The following LRRK2 variants were observed in gnomAD, a reference collection of about 807,000 sequenced individuals.
LRRK2 encodes leucine rich repeat kinase 2.
In LRRK2, 203 loss-of-function variants were observed where a neutral mutation model predicts 302.6. That is an observed-to-expected ratio of 0.67 (90% CI 0.60 to 0.75). The LOEUF is 0.75. Among genes scored for constraint, LRRK2 ranks in the 30% least tolerant of loss-of-function variants. The pLI, the probability that LRRK2 is intolerant of heterozygous loss-of-function variation, is 0.00. For synonymous variants in LRRK2, 1,066 were observed against 1,031.9 expected (o/e 1.03, Z -0.63); for missense variants, 2,830 against 2,951.0 (o/e 0.96, Z 0.95).
intron 14 of LRRK2, among the ~76,000 whole-genome samples, chr12:40,264,586 T>C (rs1942926911): frequency 6.6e-6 from 1 of 152,230 alleles, no homozygotes; most frequent in African/African-American, 2.4e-5. Flanking sequence ...ACCACTGCAC[T>C]CCAGCTTGGG....
rs746536708 is a variant in LRRK2, at chr12:40,303,939, T to C, written c.3591-9T>C. 2.5e-6 allele frequency: 4 copies of C among 1,613,286 alleles called. No homozygotes were observed. Among genetic ancestry groups the C allele is most frequent in the Non-Finnish European group, 2.5e-6 (3 of 1,179,370 alleles). ...ATTTGGTTTATGTCTTTTCTGTGTATTGTTTTAGCTTGCGGTCTTTAGATA... is the reference window on the plus strand; with the variant it reads ...ATTTGGTTTATGTCTTTTCTGTGTACTGTTTTAGCTTGCGGTCTTTAGATA... On this transcript the variant is annotated splice_polypyrimidine_tract_variant and intron_variant, in intron 26 of 50. Coordinates refer to ENST00000298910, the MANE Select transcript of LRRK2 (RefSeq NM_198578.4).
At chr12:40,315,643 A>G (rs1160711735) in intron 33 of LRRK2, among the ~76,000 whole-genome samples, 1 of 152,034 alleles carries the variant, frequency 6.6e-6, no homozygotes, top group Non-Finnish European at 1.5e-5. Context: ...GTAAACACAT[A>G]TAAGAAAATT....
intron 13 of LRRK2, among the ~76,000 whole-genome samples, chr12:40,262,846 CACAG>C (rs1420619595): frequency 8.5e-5 from 13 of 152,258 alleles, no homozygotes; most frequent in African/African-American, 2.9e-4. Context: ...GGAAATGATA[CACAG>C]ACAGTTTAAG....
rs1946779133 is a variant in LRRK2, at chr12:40,363,466, A to G, written c.7093A>G (p.Ile2365Val). 6.2e-6 allele frequency: 10 copies of G among 1,611,678 alleles called. No individual in the cohort carries two copies. Among genetic ancestry groups the G allele is most frequent in the African/African-American group, 1.3e-5 (1 of 74,730 alleles). The change falls in exon 48 of 51, where the codon ATT becomes GTT. Residue 2365 changes from isoleucine (I) to valine (V), a missense_variant. Ile to Val is a conservative substitution (Grantham distance 29, BLOSUM62 3). Coordinates refer to ENST00000298910, the MANE Select transcript of LRRK2 (RefSeq NM_198578.4). ...AGTGGTGGTAGACACTGCTCTCTATATTGCTAAGCAAAATAGCCCTGTTGT... is the reference window on the plus strand; with the variant it reads ...AGTGGTGGTAGACACTGCTCTCTATGTTGCTAAGCAAAATAGCCCTGTTGT... The part of the protein sequence containing the change: ...ITVVVDTALY[I>V]AKQNSPVVEV...
At chr12:40,233,793 A>T (rs1306223026) in intron 3 of LRRK2, among the ~76,000 whole-genome samples, 1 of 152,244 alleles carries the variant, frequency 6.6e-6, no homozygotes, top group African/African-American at 2.4e-5. Context: ...ATTAAATTAC[A>T]TAAAAGTTTA....
chr12:40,340,867 G>T (rs1446444334), intron 41 of LRRK2, among the ~76,000 whole-genome samples: 4 of 152,114 alleles, frequency 2.6e-5, no homozygotes, highest in Non-Finnish European at 5.9e-5. Flanking sequence ...AAAATCCCAA[G>T]ATTTTTTAAA....
intron 11 of LRRK2, among the ~76,000 whole-genome samples, chr12:40,253,673 G>T (rs1245694692): frequency 6.6e-6 from 1 of 152,160 alleles, no homozygotes; most frequent in Non-Finnish European, 1.5e-5. Flanking sequence ...CACTGTGCCC[G>T]GCCCAAATTA....
At chr12:40,320,437 T>C (rs1191563493) in intron 34 of LRRK2, among the ~76,000 whole-genome samples, 3 of 151,924 alleles carry the variant, frequency 2.0e-5, no homozygotes, top group African/African-American at 7.2e-5. Context: ...GAAAGGTAAA[T>C]AGTGGAGATT....
intron 13 of LRRK2, among the ~76,000 whole-genome samples, chr12:40,262,074 T>C (rs1286401423): frequency 6.6e-6 from 1 of 151,954 alleles, no homozygotes; most frequent in Non-Finnish European, 1.5e-5. Flanking sequence ...ATAGGCAAAT[T>C]GGGAAGTATA....
chr12:40,323,447 T>A, intron 38 of LRRK2, 141 bp downstream of exon 38: 2 of 781,116 alleles, frequency 2.6e-6, no homozygotes, highest in Non-Finnish European at 2.0e-6. Flanking sequence ...TGGAATGATA[T>A]ATTTTAAAGG....
At chr12:40,255,440 G>T (rs1942459792) in intron 11 of LRRK2, among the ~76,000 whole-genome samples, 1 of 152,192 alleles carries the variant, frequency 6.6e-6, no homozygotes, top group African/African-American at 2.4e-5. Context: ...AAATGCGATA[G>T]TGTGTAAAAT....
In LRRK2 at chr12:40,322,436, CATTAT is replaced by C; in HGVS notation, c.5438_5442del (p.Leu1813Ter). ...GGAGAAACTCTGTTGAAGAAATGGG[CATTAT>C]ATAGTTTTAATGATGGTGAAGAACA... On this transcript the variant is annotated frameshift_variant, in exon 37 of 51. Coordinates refer to ENST00000298910, the MANE Select transcript of LRRK2 (RefSeq NM_198578.4). LOFTEE classifies it high-confidence loss of function. The C allele has an allele frequency of 6.2e-7, 1 of 1,613,078 alleles. No individual in the cohort carries two copies. The highest frequency in any genetic ancestry group is 2.2e-5 in the East Asian group (1 of 44,826).
At chr12:40,256,917 A>G (rs1324811067) in intron 11 of LRRK2, among the ~76,000 whole-genome samples, 1 of 152,206 alleles carries the variant, frequency 6.6e-6, no homozygotes, top group Non-Finnish European at 1.5e-5. Flanking sequence ...TTTGGAGACC[A>G]TTATTTAAAC....
Position 40,291,428 on chromosome 12 carries a change from T to C in LRRK2, c.2690-2117T>C, listed in dbSNP as rs1026932906. Among the ~76,000 whole-genome samples the C allele has an allele frequency of 2.8e-5, 3 of 107,086 alleles. No individual in the cohort carries two copies. The Admixed American group carries it at 2.9e-4, about 10-fold the overall frequency. 70.3% of individuals were successfully genotyped at this position (107,086 alleles called of 152,430 possible). ...GTGTACCCTAGAACTTAAAGTATAA[T>C]AAAATATATATATATATATATAAAT... On this transcript the variant is annotated intron_variant, in intron 20 of 50. Coordinates refer to ENST00000298910, the MANE Select transcript of LRRK2 (RefSeq NM_198578.4).
chr12:40,243,215 A>T (rs1420669210), intron 6 of LRRK2, among the ~76,000 whole-genome samples: 1 of 151,698 alleles, frequency 6.6e-6, no homozygotes, highest in Admixed American at 6.6e-5. Context: ...TGACCAATAC[A>T]TTACATTTCC....
At chr12:40,301,322 G>C (rs1298659645) in intron 25 of LRRK2, among the ~76,000 whole-genome samples, 7 of 152,148 alleles carry the variant, frequency 4.6e-5, no homozygotes, top group Non-Finnish European at 2.9e-5. Flanking sequence ...TACTCGGGAG[G>C]CTGAGGCAGA....
chr12:40,283,206 G>A (rs11175852), intron 18 of LRRK2, among the ~76,000 whole-genome samples: 16,241 of 152,172 alleles, frequency 0.11, 1,126 homozygotes, highest in African/African-American at 0.17. Context: ...CAGTGCCACA[G>A]CTTGCTAAGG....
chr12:40,246,419 G>A (rs1387109818), intron 7 of LRRK2, among the ~76,000 whole-genome samples: 1 of 151,926 alleles, frequency 6.6e-6, no homozygotes, highest in Non-Finnish European at 1.5e-5. Context: ...TACCAGGTGA[G>A]TTTTGGCAGC....
chr12:40,231,861 T>C (rs1017714012), intron 2 of LRRK2, among the ~76,000 whole-genome samples: 8 of 150,786 alleles, frequency 5.3e-5, no homozygotes, highest in African/African-American at 1.9e-4. Context: ...TAGAGTGCAG[T>C]GGCACAATCT....
Sources: allele counts gnomAD v4.1 joint callset (sites outside exome capture counted in the v4.1 genomes callset), GRCh38; gene constraint gnomAD v4.1.1; transcripts MANE v1.5; gene names NCBI Gene and HGNC (gene_info 2026-07-23, HGNC 2026-07-21).